SUGCT: variants seen among roughly 807,000 people sequenced by gnomAD.
The protein encoded by SUGCT is succinyl-CoA:glutarate-CoA transferase.
A neutral mutation model predicts 55.0 loss-of-function variants in SUGCT; 41 were observed. The ratio of observed to expected loss-of-function variants is 0.74; its 90% CI spans 0.58 to 0.97. The LOEUF is 0.97. Among genes scored for constraint, SUGCT ranks in the 50% least tolerant of loss-of-function variants. The pLI is 0.00. For missense variants in SUGCT, 568 were observed against 547.8 expected (o/e 1.04, Z -0.37); for synonymous variants, 187 against 200.4 (o/e 0.93, Z 0.56).
At chr7:40,284,939 T>A (rs1004787544) in intron 8 of SUGCT, among the ~76,000 whole-genome samples, 3 of 152,174 alleles carry the variant, frequency 2.0e-5, no homozygotes. Flanking sequence ...ATAAGTGAAT[T>A]GGGAACATGC....
chr7:40,871,682 C>T, the SUGCT span, among the ~76,000 whole-genome samples: 2 of 151,756 alleles, frequency 1.3e-5, no homozygotes, highest in Non-Finnish European at 2.9e-5. Flanking sequence ...GCCCCCACCC[C>T]GCCAGTGAGC....
intron 9 of SUGCT, among the ~76,000 whole-genome samples, chr7:40,400,644 G>T (rs1265424792): frequency 3.3e-5 from 5 of 152,270 alleles, no homozygotes; most frequent in Middle Eastern, 3.4e-3. Context: ...CAGGAGCAGT[G>T]CATAAACTGC....
At chr7:40,788,303 A>G (rs1204252641) in intron 13 of SUGCT, among the ~76,000 whole-genome samples, 2 of 152,242 alleles carry the variant, frequency 1.3e-5, no homozygotes, top group African/African-American at 4.8e-5. Context: ...CCAGAGTCTC[A>G]TAACACTCAA....
intron 9 of SUGCT, among the ~76,000 whole-genome samples, chr7:40,419,846 C>T (rs1458269423): frequency 6.6e-6 from 1 of 152,172 alleles, no homozygotes; most frequent in Non-Finnish European, 1.5e-5. Flanking sequence ...CTTTATTATT[C>T]AGTGCTTCTG....
chr7:40,937,841 AG>A, the SUGCT span, among the ~76,000 whole-genome samples: 1 of 152,196 alleles, frequency 6.6e-6, no homozygotes, highest in Non-Finnish European at 1.5e-5. Flanking sequence ...TTTTAGCACC[AG>A]GGACCAGTCC....
intron 12 of SUGCT, among the ~76,000 whole-genome samples, chr7:40,527,293 G>T: frequency 6.6e-6 from 1 of 152,182 alleles, no homozygotes; most frequent in East Asian, 1.9e-4. Flanking sequence ...TTACAGGTTG[G>T]TTTATAAAAA....
At chr7:40,222,988 TC>T (rs1479064942) in intron 6 of SUGCT, among the ~76,000 whole-genome samples, 2 of 34,190 alleles carry the variant, frequency 5.8e-5, no homozygotes, top group African/African-American at 1.4e-4. Flanking sequence ...TTCATTTCTT[TC>T]CTTCCTTCCT....
At chr7:40,228,395 C>T (rs572255250) in intron 6 of SUGCT, among the ~76,000 whole-genome samples, 1 of 151,808 alleles carries the variant, frequency 6.6e-6, no homozygotes, top group African/African-American at 2.4e-5. Flanking sequence ...TTTAAAAAAC[C>T]AGTTAATTTA....
At chr7:40,157,583 A>G (rs1477214708) in intron 1 of SUGCT, among the ~76,000 whole-genome samples, 1 of 152,258 alleles carries the variant, frequency 6.6e-6, no homozygotes, top group Non-Finnish European at 1.5e-5. Flanking sequence ...TCTTAGGAGA[A>G]TATACTTAAT....
intron 9 of SUGCT, among the ~76,000 whole-genome samples, chr7:40,342,118 G>T (rs746199130): frequency 5.3e-5 from 8 of 152,188 alleles, no homozygotes; most frequent in Non-Finnish European, 8.8e-5. Context: ...GGCAGGGGAA[G>T]CCCCTGAGAA....
chr7:40,822,449 T>C (rs989950115), intron 13 of SUGCT, among the ~76,000 whole-genome samples: 4 of 152,176 alleles, frequency 2.6e-5, no homozygotes, highest in African/African-American at 9.7e-5. Context: ...TGGGTGCTCC[T>C]GTGTTGGGTG....
intron 8 of SUGCT, among the ~76,000 whole-genome samples, chr7:40,277,917 CTA>C (rs1315031248): frequency 6.6e-6 from 1 of 151,900 alleles, no homozygotes; most frequent in Non-Finnish European, 1.5e-5. Context: ...CAATTCCCAT[CTA>C]TGAGTGAGAA....
intron 13 of SUGCT, among the ~76,000 whole-genome samples, chr7:40,857,403 C>T (rs1043564948): frequency 2.0e-5 from 3 of 152,112 alleles, no homozygotes; most frequent in Admixed American, 6.6e-5. Flanking sequence ...TTATTTGTCC[C>T]GTTGCAGTCT....
At chr7:40,155,950 G>A (rs775032045) in intron 1 of SUGCT, among the ~76,000 whole-genome samples, 1 of 150,590 alleles carries the variant, frequency 6.6e-6, no homozygotes, top group South Asian at 2.1e-4. Context: ...CTCCACCTCC[G>A]GGGTTCAAGC....
intron 9 of SUGCT, among the ~76,000 whole-genome samples, chr7:40,435,288 A>C (rs375148936): frequency 6.6e-6 from 1 of 152,200 alleles, no homozygotes; most frequent in South Asian, 2.1e-4. Context: ...TATATTCAGC[A>C]TGTCACTTTA....
At chr7:40,351,479 A>G (rs1011147326) in intron 9 of SUGCT, among the ~76,000 whole-genome samples, 8 of 152,180 alleles carry the variant, frequency 5.3e-5, no homozygotes, top group Non-Finnish European at 1.2e-4. Context: ...AGCAAAATGT[A>G]CTTATAATAG....
chr7:40,841,520 T>A (rs1793281098), intron 13 of SUGCT, among the ~76,000 whole-genome samples: 1 of 152,198 alleles, frequency 6.6e-6, no homozygotes, highest in African/African-American at 2.4e-5. Flanking sequence ...ATAAGCATGC[T>A]CAAACACAGA....
At chr7:40,714,552 T>A (rs982107268) in intron 12 of SUGCT, among the ~76,000 whole-genome samples, 6 of 152,136 alleles carry the variant, frequency 3.9e-5, no homozygotes, top group African/African-American at 1.4e-4. Flanking sequence ...CAGCCCTTAC[T>A]CCCCAAATGA....
chr7:40,730,565 C>T (rs1786841821), intron 12 of SUGCT, among the ~76,000 whole-genome samples: 1 of 152,124 alleles, frequency 6.6e-6, no homozygotes, highest in Non-Finnish European at 1.5e-5. Flanking sequence ...CACTTAAAAT[C>T]TACTCTCCAG....
Sources: gnomAD v4.1 joint callset for allele counts (sites outside exome capture counted in the v4.1 genomes callset) on GRCh38, gnomAD v4.1.1 for gene constraint, MANE v1.5 for transcripts, NCBI Gene and HGNC (gene_info 2026-07-23, HGNC 2026-07-21) for gene names.